Variants in MYO3B observed in about 807,000 individuals in gnomAD.
MYO3B encodes myosin-IIIb.
In MYO3B, 156 loss-of-function variants were observed where a neutral mutation model predicts 174.6. The ratio of observed to expected loss-of-function variants is 0.89; its 90% CI spans 0.78 to 1.02. The LOEUF is 1.02. MYO3B is among the 50% of genes least tolerant of loss of function. The pLI is 0.00. For missense variants in MYO3B, 1,632 were observed against 1,639.4 expected (o/e 1.00, Z 0.08); for synonymous variants, 563 against 569.1 (o/e 0.99, Z 0.15).
At chr2:170,205,286 C>G (rs952429486) in intron 3 of MYO3B, among the ~76,000 whole-genome samples, 2 of 152,048 alleles carry the variant, frequency 1.3e-5, no homozygotes, top group Admixed American at 1.3e-4. Context: ...GCTGAAGAGG[C>G]CTTTGTTGCA....
chr2:170,232,028 A>G (rs2093020952), intron 6 of MYO3B, among the ~76,000 whole-genome samples: 1 of 152,146 alleles, frequency 6.6e-6, no homozygotes, highest in African/African-American at 2.4e-5. Context: ...CACTCCTTTA[A>G]TGTGACTTAC....
chr2:170,413,803 G>A (rs2094560850), intron 22 of MYO3B, among the ~76,000 whole-genome samples: 1 of 152,194 alleles, frequency 6.6e-6, no homozygotes, highest in East Asian at 1.9e-4. Flanking sequence ...ACTTTGGGAG[G>A]CCGAGGCGGG....
chr2:170,421,837 C>T (rs1277683550), intron 22 of MYO3B, among the ~76,000 whole-genome samples: 2 of 152,126 alleles, frequency 1.3e-5, no homozygotes, highest in Admixed American at 6.6e-5. Context: ...TTGCCTTTTT[C>T]CCCCATCCCT....
rs766640832 is a variant in MYO3B, at chr2:170,542,949, G to A, written c.3619G>A (p.Ala1207Thr). The A allele has an allele frequency of 5.6e-6, 9 of 1,609,228 alleles. No homozygotes were observed. The highest frequency in any genetic ancestry group is 1.6e-4 in the Middle Eastern group (1 of 6,074). ...TTCTCCAAAAGGGTGCGATATCTTCGCAGGACATGCAAACAAGGTAGCTGG... is the reference window on the plus strand; with the variant it reads ...TTCTCCAAAAGGGTGCGATATCTTCACAGGACATGCAAACAAGGTAGCTGG... The part of the protein sequence containing the change: ...QSSPKGCDIF[A>T]GHANKHSVSG... Residue 1207 changes from alanine (A) to threonine (T), a missense_variant, in exon 31 of 35, where the codon GCA becomes ACA. Coordinates refer to ENST00000408978, the MANE Select transcript of MYO3B (RefSeq NM_138995.5).
intron 32 of MYO3B, among the ~76,000 whole-genome samples, chr2:170,631,564 A>AGTTGCTC (rs1449934354): frequency 1.3e-5 from 2 of 151,888 alleles, no homozygotes; most frequent in Non-Finnish European, 1.5e-5. Flanking sequence ...ACAAAGATAG[A>AGTTGCTC]TACTCCTGGA....
chr2:170,304,032 G>A (rs911827017), intron 7 of MYO3B, among the ~76,000 whole-genome samples: 1 of 152,018 alleles, frequency 6.6e-6, no homozygotes, highest in African/African-American at 2.4e-5. Flanking sequence ...TTATAGATGG[G>A]CATTTTGGTT....
chr2:170,372,456 C>T (rs2094256079), intron 9 of MYO3B, among the ~76,000 whole-genome samples: 1 of 152,156 alleles, frequency 6.6e-6, no homozygotes, highest in Non-Finnish European at 1.5e-5. Flanking sequence ...TGAAAATAAA[C>T]ACTACTGAGG....
chr2:170,549,870 G>T (rs77911901), intron 32 of MYO3B, among the ~76,000 whole-genome samples: 1,971 of 152,294 alleles, frequency 0.013, 52 homozygotes, highest in East Asian at 0.089. Flanking sequence ...GGAAGGGAGC[G>T]CAAGCAGCTT....
chr2:170,603,571 T>C (rs1483246707), intron 32 of MYO3B, among the ~76,000 whole-genome samples: 1 of 152,160 alleles, frequency 6.6e-6, no homozygotes, highest in Non-Finnish European at 1.5e-5. Context: ...CACCTTTTTT[T>C]TACTACAAAA....
At chr2:170,556,526 C>CTT (rs113099769) in intron 32 of MYO3B, among the ~76,000 whole-genome samples, 5,888 of 147,690 alleles carry the variant, frequency 0.04, 166 homozygotes, top group East Asian at 0.11. Context: ...TGGATTTTTA[C>CTT]TTTTTTTTTT....
intron 22 of MYO3B, among the ~76,000 whole-genome samples, chr2:170,426,079 A>ATTT (rs34098665): frequency 6.7e-4 from 99 of 148,128 alleles, no homozygotes; most frequent in East Asian, 8.0e-4. Flanking sequence ...TTAATCTCTG[A>ATTT]TTTTTTTTTT....
chr2:170,501,537 C>T (rs945358145), intron 27 of MYO3B, among the ~76,000 whole-genome samples: 1 of 152,132 alleles, frequency 6.6e-6, no homozygotes, highest in Non-Finnish European at 1.5e-5. Context: ...ATCAGTGGAA[C>T]CCAGAGTGTT....
At chr2:170,300,328 ATATGCT>A (rs1464432942) in intron 7 of MYO3B, among the ~76,000 whole-genome samples, 9 of 152,218 alleles carry the variant, frequency 5.9e-5, no homozygotes, top group African/African-American at 2.2e-4. Context: ...GTGCAAGTTC[ATATGCT>A]TGTGTGTTTA....
At chr2:170,596,989 A>G (rs942180850) in intron 32 of MYO3B, among the ~76,000 whole-genome samples, 1 of 151,948 alleles carries the variant, frequency 6.6e-6, no homozygotes. Flanking sequence ...GGGGTGGGGA[A>G]TCTCCGTTTC....
At chr2:170,414,433 C>T (rs2094565503) in intron 22 of MYO3B, among the ~76,000 whole-genome samples, 1 of 152,172 alleles carries the variant, frequency 6.6e-6, no homozygotes, top group Non-Finnish European at 1.5e-5. Context: ...ATGATCCACC[C>T]ACCTCAGCCT....
intron 3 of MYO3B, among the ~76,000 whole-genome samples, chr2:170,204,332 A>G (rs2092693940): frequency 2.0e-5 from 3 of 152,222 alleles, no homozygotes; most frequent in South Asian, 4.1e-4. Flanking sequence ...GACAAAGTCT[A>G]CTGAACAAAG....
At chr2:170,406,953 G>A (rs548320359) in intron 21 of MYO3B, among the ~76,000 whole-genome samples, 1 of 152,248 alleles carries the variant, frequency 6.6e-6, no homozygotes, top group South Asian at 2.1e-4. Flanking sequence ...TGTGAGCATA[G>A]AGTCAAACTG....
chr2:170,566,870 A>G (rs1480888732), intron 32 of MYO3B, among the ~76,000 whole-genome samples: 1 of 152,116 alleles, frequency 6.6e-6, no homozygotes, highest in Non-Finnish European at 1.5e-5. Flanking sequence ...TGAATCCTTT[A>G]TATCTTGTCA....
chr2:170,395,089 T>C (rs988066673), intron 16 of MYO3B, among the ~76,000 whole-genome samples: 1 of 152,186 alleles, frequency 6.6e-6, no homozygotes, highest in Non-Finnish European at 1.5e-5. Context: ...GTCAGGAGCA[T>C]GAATTTTAAT....
Sources: gnomAD v4.1 joint callset for allele counts (sites outside exome capture counted in the v4.1 genomes callset) on GRCh38, gnomAD v4.1.1 for gene constraint, MANE v1.5 for transcripts, NCBI Gene and HGNC (gene_info 2026-07-23, HGNC 2026-07-21) for gene names.